GLRA1: variants seen among roughly 807,000 people sequenced by gnomAD.
GLRA1 encodes the protein glycine receptor subunit alpha-1.
In GLRA1, 37 loss-of-function variants were observed where a neutral mutation model predicts 48.3. That is an observed-to-expected ratio of 0.77 (90% CI 0.59 to 1.01). The LOEUF is 1.01. Ranked by LOEUF, GLRA1 falls within the 50% of genes least tolerant of loss-of-function variation. The probability of loss-of-function intolerance (pLI) is 0.00; values close to 1 mark genes in which losing one functional copy is unlikely to be tolerated. For synonymous variants in GLRA1, 196 were observed against 210.7 expected (o/e 0.93, Z 0.60); for missense variants, 427 against 571.0 (o/e 0.75, Z 2.57).
chr5:151,841,712 A>C (rs758527000), intron 7 of GLRA1, among the ~76,000 whole-genome samples: 3 of 152,202 alleles, frequency 2.0e-5, no homozygotes, highest in Admixed American at 1.3e-4. Context: ...TATGCCAATA[A>C]ATTTGATAAC....
At chr5:151,827,116 C>T (rs1218834841) in intron 8 of GLRA1, among the ~76,000 whole-genome samples, 1 of 147,114 alleles carries the variant, frequency 6.8e-6, no homozygotes, top group Non-Finnish European at 1.5e-5. Flanking sequence ...TCACCTCAGT[C>T]TTCCTAGTAG....
chr5:151,829,652 ATAGTT>A (rs1363821531), intron 7 of GLRA1, among the ~76,000 whole-genome samples: 1 of 152,382 alleles, frequency 6.6e-6, no homozygotes, highest in East Asian at 1.9e-4. Context: ...TTTAAAGTGT[ATAGTT>A]TAATGATTTT....
At chr5:151,918,033 G>A (rs912287753) in intron 1 of GLRA1, among the ~76,000 whole-genome samples, 5 of 152,216 alleles carry the variant, frequency 3.3e-5, no homozygotes, top group African/African-American at 1.2e-4. Flanking sequence ...AAGGCAGAGA[G>A]TGGTAATCTA....
intron 1 of GLRA1, among the ~76,000 whole-genome samples, 200 bp downstream of exon 1, chr5:151,924,294 C>G (rs1754951277): frequency 1.3e-5 from 2 of 148,212 alleles, no homozygotes; most frequent in Non-Finnish European, 3.0e-5. Flanking sequence ...CACGCACAAG[C>G]CAGACACCCT....
intron 7 of GLRA1, among the ~76,000 whole-genome samples, chr5:151,835,465 C>T (rs1763551709): frequency 6.6e-6 from 1 of 152,132 alleles, no homozygotes; most frequent in Non-Finnish European, 1.5e-5. Context: ...TTTTATGAGG[C>T]CAACATCATC....
chr5:151,849,209 C>CTTTT (rs1752801719), intron 7 of GLRA1: 1 of 83,794 alleles, frequency 1.2e-5, no homozygotes, highest in African/African-American at 6.3e-5. Context: ...TTCTTTCTTT[C>CTTTT]CTTCCTTTCT....
At chr5:151,865,875 C>A (rs1753322398) in intron 3 of GLRA1, among the ~76,000 whole-genome samples, 1 of 152,202 alleles carries the variant, frequency 6.6e-6, no homozygotes, top group Non-Finnish European at 1.5e-5. Flanking sequence ...CCATTGATTT[C>A]CTCCCTTAAG....
chr5:151,923,776 T>C (rs1156519480), intron 1 of GLRA1, among the ~76,000 whole-genome samples: 1 of 152,180 alleles, frequency 6.6e-6, no homozygotes, highest in Non-Finnish European at 1.5e-5. Context: ...GAGTTCAGGA[T>C]CTGCAGCTAA....
chr5:151,850,207 C>T, intron 7 of GLRA1: 1 of 1,603,684 alleles, frequency 6.2e-7, no homozygotes, highest in South Asian at 1.1e-5. Context: ...ATCGTGGAGG[C>T]CCATTACCAG....
chr5:151,899,448 A>G lies in GLRA1; in HGVS notation c.57-7010T>C, dbSNP rs79735880. 2.2e-3 allele frequency among the ~76,000 whole-genome samples: 332 copies of G among 152,272 alleles called. 2 individuals carry two copies. The highest frequency in any genetic ancestry group is 0.021 in the East Asian group (109 of 5,182). ...TGTGGGCTGGTCTTTTTCTAAATGA[A>G]AAAGAAATGGTGGATGGTGAGGAGT... On this transcript the variant is annotated intron_variant, in intron 1 of 8. Transcript: ENST00000274576.
chr5:151,830,212 G>T (rs2113292664), intron 7 of GLRA1, among the ~76,000 whole-genome samples: 1 of 152,296 alleles, frequency 6.6e-6, no homozygotes, highest in African/African-American at 2.4e-5. Flanking sequence ...TTCCCAGAGA[G>T]TTATCATCAT....
intron 7 of GLRA1, among the ~76,000 whole-genome samples, chr5:151,838,763 T>C (rs923940485): frequency 1.4e-4 from 21 of 152,212 alleles, no homozygotes; most frequent in African/African-American, 3.1e-4. Context: ...TGAAAACTTA[T>C]CAAATTTGAT....
At chr5:151,844,426 A>G (rs1752610118) in intron 7 of GLRA1, among the ~76,000 whole-genome samples, 2 of 151,990 alleles carry the variant, frequency 1.3e-5, no homozygotes, top group Admixed American at 1.3e-4. Context: ...GTTCGAGGCC[A>G]GGCTGGCCAA....
At chr5:151,825,414 A>C (rs573786954) in intron 8 of GLRA1, among the ~76,000 whole-genome samples, 5 of 152,348 alleles carry the variant, frequency 3.3e-5, no homozygotes, top group African/African-American at 1.2e-4. Context: ...CATCTGTTAA[A>C]CATGGGAGTA....
At chr5:151,919,044 T>G (rs889205645) in intron 1 of GLRA1, among the ~76,000 whole-genome samples, 2 of 152,210 alleles carry the variant, frequency 1.3e-5, no homozygotes, top group Non-Finnish European at 2.9e-5. Flanking sequence ...TTTAAACATT[T>G]CAAAGGCTCT....
intron 5 of GLRA1, 99 bp from the exon 6 acceptor site, chr5:151,855,276 C>G: frequency 8.4e-6 from 10 of 1,186,832 alleles, no homozygotes; most frequent in Non-Finnish European, 1.3e-5. Context: ...AGACATCAGA[C>G]ACTTGATGGA....
rs143080630 is a variant in GLRA1, at chr5:151,904,517, G to C, written c.57-12079C>G. ...CATCCATAGCGTGTAGATAGCTCCT[G>C]CTCTAACTTTTAAATTACTATTTAA... is the stretch of plus-strand genomic sequence containing the variant. On this transcript the variant is annotated intron_variant, in intron 1 of 8. Coordinates refer to ENST00000274576, the MANE Select transcript of GLRA1 (RefSeq NM_000171.4). 4.3e-3 allele frequency among the ~76,000 whole-genome samples: 661 copies of C among 152,276 alleles called. 6 individuals carry two copies. The highest frequency in any genetic ancestry group is 0.015 in the African/African-American group (610 of 41,542).
At chr5:151,895,844 C>G (rs1286740144) in intron 1 of GLRA1, among the ~76,000 whole-genome samples, 1 of 152,146 alleles carries the variant, frequency 6.6e-6, no homozygotes, top group East Asian at 1.9e-4. Flanking sequence ...GAGGGGACCA[C>G]AGGCACGCAA....
intron 1 of GLRA1, among the ~76,000 whole-genome samples, chr5:151,917,004 A>G (rs1027927530): frequency 1.1e-4 from 17 of 152,168 alleles, no homozygotes; most frequent in Non-Finnish European, 2.4e-4. Context: ...GTTAGGGTGT[A>G]TGGACTCTAG....
Sources: allele counts gnomAD v4.1 joint callset (sites outside exome capture counted in the v4.1 genomes callset), GRCh38; gene constraint gnomAD v4.1.1; transcripts MANE v1.5; gene names NCBI Gene and HGNC (gene_info 2026-07-23, HGNC 2026-07-21).